The following GRHPR variants were observed in gnomAD, a reference collection of about 807,000 sequenced individuals.
The protein encoded by GRHPR is glyoxylate and hydroxypyruvate reductase.
A neutral mutation model predicts 36.8 loss-of-function variants in GRHPR; 35 were observed. That is an observed-to-expected ratio of 0.95 (90% CI 0.73 to 1.26). The LOEUF is 1.26. Among genes scored for constraint, GRHPR ranks in the 50% most tolerant of loss-of-function variants. The pLI is 0.00. For synonymous variants in GRHPR, 179 were observed against 181.0 expected, an observed-to-expected ratio of 0.99 and a Z score of 0.09; for missense variants, 380 against 435.0, an observed-to-expected ratio of 0.87 and a Z score of 1.12.
Position 37,426,662 on chromosome 9 carries a change from A to G in GRHPR, c.404+8A>G, listed in dbSNP as rs779370574. The G allele has an allele frequency of 1.2e-5, 18 of 1,522,494 alleles. No homozygotes were observed. The highest frequency in any genetic ancestry group is 4.1e-5 in the African/African-American group (3 of 73,198). The allele number at this position is 1,522,494 out of a possible 1,614,324, so 94.3% of individuals were successfully genotyped here. On this transcript the variant is annotated splice_region_variant and intron_variant, in intron 4 of 8. Coordinates refer to ENST00000318158, the MANE Select transcript of GRHPR (RefSeq NM_012203.2). ...CATCGAGGAAGTGAAGAAGTAAGTG[A>G]ACGCAGACCAGGTGCGGTGGCTCAC...
At chr9:37,429,200 G>T (rs1256919476) in intron 5 of GRHPR, 1 of 252,060 alleles carries the variant, frequency 4.0e-6, no homozygotes, top group African/African-American at 2.2e-5. Context: ...TTGCTTGGAG[G>T]AACCCAACAG....
chr9:37,425,194 G>A lies in GRHPR; in HGVS notation c.214+219G>A, dbSNP rs149204326. 3.2e-3 allele frequency among the ~76,000 whole-genome samples: 490 copies of A among 152,364 alleles called. 2 individuals carry two copies. Among genetic ancestry groups the A allele is most frequent in the African/African-American group, 0.011 (462 of 41,596 alleles). On this transcript the variant is annotated intron_variant, in intron 2 of 8. Coordinates refer to ENST00000318158, the MANE Select transcript of GRHPR (RefSeq NM_012203.2). ...GGGGGACCCTAGGAGGGCAAAGACC[G>A]CGGTGTGGAGACTGTGGGTGTGGGG... is the stretch of plus-strand genomic sequence containing the variant.
chr9:37,436,141 C>T (rs919722443), intron 8 of GRHPR, among the ~76,000 whole-genome samples: 1 of 152,164 alleles, frequency 6.6e-6, no homozygotes, highest in Admixed American at 6.5e-5. Flanking sequence ...CAGAGTCTCC[C>T]TCTGTCATCC....
intron 8 of GRHPR, chr9:37,434,179 G>A (rs1401148534): frequency 1.8e-5 from 7 of 399,536 alleles, no homozygotes; most frequent in African/African-American, 1.4e-4. Flanking sequence ...CTGCAGCCAT[G>A]TCCTACTGCC....
chr9:37,437,587 A>C (rs952241950), downstream of GRHPR, among the ~76,000 whole-genome samples: 1 of 152,238 alleles, frequency 6.6e-6, no homozygotes, highest in African/African-American at 2.4e-5. Flanking sequence ...CAGAACGATT[A>C]GAGGTAGGTG....
At chr9:37,422,554 A>G (rs1296696463), upstream of GRHPR, 1 of 623,340 alleles carries the variant, frequency 1.6e-6, no homozygotes, top group Non-Finnish European at 2.9e-6. Context: ...GTGTAGGGTC[A>G]CTGTTACTGT....
At chr9:37,429,239 C>G (rs908932207) in intron 5 of GRHPR, 10 of 260,682 alleles carry the variant, frequency 3.8e-5, no homozygotes, top group Non-Finnish European at 6.8e-5. Flanking sequence ...GCCTGAAAAT[C>G]CAACTGTACA....
chr9:37,428,355 TC>T, intron 4 of GRHPR, 128 bp from the exon 5 acceptor site: 1 of 606,432 alleles, frequency 1.6e-6, no homozygotes, highest in Non-Finnish European at 3.1e-6. Flanking sequence ...CAGTGCCTCA[TC>T]CCACTCTCAG....
At chr9:37,433,031 C>T (rs1823445492) in intron 8 of GRHPR, among the ~76,000 whole-genome samples, 1 of 152,200 alleles carries the variant, frequency 6.6e-6, no homozygotes, top group African/African-American at 2.4e-5. Flanking sequence ...CATCTAGCAG[C>T]ACCAGTTCCT....
intron 6 of GRHPR, 163 bp downstream of exon 6, chr9:37,429,999 A>C (rs1588758030): frequency 1.5e-6 from 1 of 679,532 alleles, no homozygotes. Flanking sequence ...ACACTGGCCC[A>C]CTCAGGGAGC....
Position 37,425,919 on chromosome 9 carries a change from CAG to C in GRHPR, c.215-2_215-1del, listed in dbSNP as rs1554746793. The C allele has an allele frequency of 6.2e-7, 1 of 1,610,298 alleles. No individual in the cohort carries two copies. Among genetic ancestry groups the C allele is most frequent in the Non-Finnish European group, 8.5e-7 (1 of 1,176,462 alleles). ...TACTAACAATGCACTTTCTGCACAA[CAG>C]GGGCCAATCTCAAAGTCATCAGCAC... On this transcript the variant is annotated splice_acceptor_variant, in intron 2 of 8. Coordinates refer to ENST00000318158, the MANE Select transcript of GRHPR (RefSeq NM_012203.2). LOFTEE classifies it high-confidence loss of function.
chr9:37,434,470 C>A, intron 8 of GRHPR: 1 of 580,978 alleles, frequency 1.7e-6, no homozygotes, highest in South Asian at 2.3e-5. Context: ...GCAGAAATAC[C>A]CAGATCTTTG....
chr9:37,423,947 G>A (rs1300098711), intron 1 of GRHPR, among the ~76,000 whole-genome samples: 1 of 152,258 alleles, frequency 6.6e-6, no homozygotes, highest in Admixed American at 6.5e-5. Context: ...GCAGCTCCCA[G>A]GTGGAGGAGC....
intron 7 of GRHPR, 90 bp from the exon 8 acceptor site, chr9:37,431,918 G>A (rs1038603695): frequency 1.4e-6 from 2 of 1,420,756 alleles, no homozygotes; most frequent in South Asian, 1.2e-5. Context: ...CCAAGTGAGT[G>A]GAAAAATTCA....
Position 37,429,904 on chromosome 9 carries a change from T to C in GRHPR, c.598+68T>C, listed in dbSNP as rs531500828. The C allele has an allele frequency of 9.6e-5, 92 of 955,058 alleles. 1 individual carries two copies. The highest frequency in any genetic ancestry group is 1.3e-4 in the Non-Finnish European group (77 of 583,602). 59.2% of individuals were successfully genotyped at this position (955,058 alleles called of 1,614,324 possible). A position where few individuals can be genotyped will look rare whatever the true frequency, so the allele number is the denominator to read the frequency against. ...GTTGAGAGGCTGTATTTTCTCTCAA[T>C]GGTGGCATTTTCAGGCAGAGGGCAG... On this transcript the variant is annotated intron_variant, in intron 6 of 8. Coordinates refer to ENST00000318158, the MANE Select transcript of GRHPR (RefSeq NM_012203.2).
chr9:37,425,328 G>C (rs761702224), intron 2 of GRHPR, among the ~76,000 whole-genome samples: 1 of 152,232 alleles, frequency 6.6e-6, no homozygotes, highest in Non-Finnish European at 1.5e-5. Flanking sequence ...GGAGGACCTA[G>C]CTCAGTGCCA....
chr9:37,432,970 T>C (rs959865967), intron 8 of GRHPR, among the ~76,000 whole-genome samples: 1 of 152,240 alleles, frequency 6.6e-6, no homozygotes, highest in Non-Finnish European at 1.5e-5. Flanking sequence ...AAGGGCCTGC[T>C]CCCTCCTGCC....
chr9:37,437,028 G>C (rs1281679152), downstream of GRHPR: 2 of 452,906 alleles, frequency 4.4e-6, no homozygotes, highest in East Asian at 9.2e-5. Context: ...CTAACAAGTG[G>C]ATATGGCTGG....
In GRHPR at chr9:37,431,499, C is replaced by T. The variant is rs1823364517; in HGVS notation, c.735-509C>T. ...TCTCTAGAAGATGACTTCTTGCCTT[C>T]AGTCGCCGCTCCCTTTGATGGCTGT... On this transcript the variant is annotated intron_variant, in intron 7 of 8. Transcript: ENST00000318158. The T allele has an allele frequency of 3.5e-5, 8 of 230,454 alleles. No individual in the cohort carries two copies. The South Asian group carries it at 5.0e-4, about 15-fold the overall frequency. The allele number at this position is 230,454 out of a possible 1,614,324, so 14.3% of individuals were successfully genotyped here.
Sources: allele counts gnomAD v4.1 joint callset (sites outside exome capture counted in the v4.1 genomes callset), GRCh38; gene constraint gnomAD v4.1.1; transcripts MANE v1.5; gene names NCBI Gene and HGNC (gene_info 2026-07-23, HGNC 2026-07-21).